The following PALLD variants were observed in gnomAD, a reference collection of about 807,000 sequenced individuals.
The protein encoded by PALLD is palladin, cytoskeletal associated protein.
Under a neutral mutation model 123.5 loss-of-function variants are expected in PALLD, and 61 were observed. The observed-to-expected ratio is 0.49, with a 90% confidence interval of 0.40 to 0.61. PALLD has a LOEUF of 0.61. Ranked by LOEUF, PALLD falls within the 20% of genes least tolerant of loss-of-function variation. The probability of loss-of-function intolerance (pLI) is 0.00; values close to 1 mark genes in which losing one functional copy is unlikely to be tolerated. For synonymous variants in PALLD, 465 were observed against 496.4 expected (o/e 0.94, Z 0.84); for missense variants, 1,273 against 1,377.0 (o/e 0.92, Z 1.20).
At chr4:168,724,901 A>G (rs966669193) in intron 10 of PALLD, among the ~76,000 whole-genome samples, 2 of 152,168 alleles carry the variant, frequency 1.3e-5, no homozygotes, top group Admixed American at 6.5e-5. Context: ...ATAAATATGT[A>G]CATTTACTTA....
intron 2 of PALLD, among the ~76,000 whole-genome samples, chr4:168,620,623 G>A (rs1017249048): frequency 6.6e-6 from 1 of 152,148 alleles, no homozygotes; most frequent in African/African-American, 2.4e-5. Flanking sequence ...ACTATGTAGA[G>A]GCTGGCTTAA....
chr4:168,794,114 G>A (rs1049122322), intron 10 of PALLD, among the ~76,000 whole-genome samples: 6 of 152,078 alleles, frequency 3.9e-5, no homozygotes, highest in African/African-American at 1.4e-4. Flanking sequence ...GGTTCTCCAG[G>A]CCCGCTCCTC....
chr4:168,679,482 GGTGTGTGGTGGGGTGTGTGTGTTT>G lies in PALLD; in HGVS notation c.1088-1835_1088-1812del, dbSNP rs1393300998. ...AGTATGGACGTGTGTGGGGGGGTGT[GGTGTGTGGTGGGGTGTGTGTGTTT>G]GTGTGTGGTGGGGTATGTATGGATA... On this transcript the variant is annotated intron_variant, in intron 3 of 21. Transcript: ENST00000505667. 2.6e-5 allele frequency among the ~76,000 whole-genome samples: 3 copies of G among 117,482 alleles called. No homozygotes were observed. In the East Asian group the frequency reaches 7.5e-4, roughly 29 times the overall value. 77.1% of individuals were successfully genotyped at this position (117,482 alleles called of 152,430 possible). A position where few individuals can be genotyped will look rare whatever the true frequency, so the allele number is the denominator to read the frequency against.
chr4:168,878,157 C>A, intron 10 of PALLD: 2 of 1,492,560 alleles, frequency 1.3e-6, no homozygotes, highest in Non-Finnish European at 1.8e-6. Context: ...CCGTCGCCCC[C>A]GCCCCCGCCA....
chr4:168,770,830 G>T (rs1444317245), intron 10 of PALLD, among the ~76,000 whole-genome samples: 1 of 152,146 alleles, frequency 6.6e-6, no homozygotes, highest in South Asian at 2.1e-4. Context: ...AGGCTGAGGC[G>T]GGTGGATCAC....
chr4:168,580,577 G>A (rs1409667478), intron 2 of PALLD, among the ~76,000 whole-genome samples: 10 of 151,982 alleles, frequency 6.6e-5, no homozygotes, highest in Admixed American at 6.6e-4. Flanking sequence ...ATTCCTCAAA[G>A]AACTAACTAC....
intron 2 of PALLD, among the ~76,000 whole-genome samples, chr4:168,606,524 A>T (rs1479509213): frequency 6.6e-6 from 1 of 152,032 alleles, no homozygotes; most frequent in Non-Finnish European, 1.5e-5. Flanking sequence ...AATACAAAAA[A>T]TTAGCTGGGC....
intron 10 of PALLD, among the ~76,000 whole-genome samples, chr4:168,739,677 C>T (rs1788135251): frequency 6.6e-6 from 1 of 152,148 alleles, no homozygotes; most frequent in African/African-American, 2.4e-5. Flanking sequence ...ACATATCCCC[C>T]ATTAATATGT....
At chr4:168,884,781 CCATTCTGTTT>C (rs1753108218) in intron 10 of PALLD, among the ~76,000 whole-genome samples, 1 of 152,312 alleles carries the variant, frequency 6.6e-6, no homozygotes, top group African/African-American at 2.4e-5. Flanking sequence ...TTCCCCTCTT[CCATTCTGTTT>C]ATCTCAGCCA....
chr4:168,719,636 G>C (rs548087286), intron 10 of PALLD, among the ~76,000 whole-genome samples: 1 of 152,212 alleles, frequency 6.6e-6, no homozygotes, highest in East Asian at 1.9e-4. Context: ...TTATATATTT[G>C]CCTGTCACAG....
chr4:168,836,092 T>C (rs1745143492), intron 10 of PALLD, among the ~76,000 whole-genome samples: 1 of 152,212 alleles, frequency 6.6e-6, no homozygotes, highest in Non-Finnish European at 1.5e-5. Flanking sequence ...TTGACCGTAA[T>C]TGGTAACATA....
intron 2 of PALLD, among the ~76,000 whole-genome samples, chr4:168,534,731 T>C (rs1001008851): frequency 6.6e-6 from 1 of 152,200 alleles, no homozygotes; most frequent in Non-Finnish European, 1.5e-5. Context: ...TTCAACCACA[T>C]ACATTGTATC....
intron 10 of PALLD, among the ~76,000 whole-genome samples, chr4:168,807,016 G>A (rs573012611): frequency 5.9e-5 from 9 of 152,258 alleles, no homozygotes; most frequent in South Asian, 4.1e-4. Flanking sequence ...GCTGGCACCC[G>A]AGATGCGGAC....
chr4:168,607,166 A>G (rs72982764), intron 2 of PALLD, among the ~76,000 whole-genome samples: 19,952 of 152,140 alleles, frequency 0.13, 1,834 homozygotes, highest in African/African-American at 0.26. Context: ...AATGGTACAA[A>G]GGAGGGAGTG....
At chr4:168,553,151 TAGCCAGTA>T (rs1392072407) in intron 2 of PALLD, among the ~76,000 whole-genome samples, 1 of 152,130 alleles carries the variant, frequency 6.6e-6, no homozygotes, top group African/African-American at 2.4e-5. Context: ...CAAGCTTACT[TAGCCAGTA>T]AGTGAGGAGT....
At chr4:168,822,119 G>A (rs1030841344) in intron 10 of PALLD, among the ~76,000 whole-genome samples, 1 of 152,124 alleles carries the variant, frequency 6.6e-6, no homozygotes, top group African/African-American at 2.4e-5. Flanking sequence ...AAGAGAGTAT[G>A]AGAATTTTGT....
intron 10 of PALLD, among the ~76,000 whole-genome samples, chr4:168,763,770 A>G (rs944902932): frequency 6.6e-6 from 1 of 152,168 alleles, no homozygotes; most frequent in Non-Finnish European, 1.5e-5. Flanking sequence ...GATCAGCATC[A>G]GGTTCAGAAA....
chr4:168,566,993 A>T (rs1300019613), intron 2 of PALLD, among the ~76,000 whole-genome samples: 2 of 152,212 alleles, frequency 1.3e-5, no homozygotes, highest in Admixed American at 6.5e-5. Flanking sequence ...GGCAACACAG[A>T]AAAACAACTG....
intron 10 of PALLD, among the ~76,000 whole-genome samples, chr4:168,802,548 G>A (rs140442494): frequency 1.5e-3 from 228 of 152,278 alleles, no homozygotes; most frequent in Middle Eastern, 3.4e-3. Flanking sequence ...CATAAACATG[G>A]GAAAAATAGA....
Sources: allele counts gnomAD v4.1 joint callset (sites outside exome capture counted in the v4.1 genomes callset), GRCh38; gene constraint gnomAD v4.1.1; transcripts MANE v1.5; gene names NCBI Gene and HGNC (gene_info 2026-07-23, HGNC 2026-07-21).